The following DNAH14 variants were observed in gnomAD, a reference collection of about 807,000 sequenced individuals.
DNAH14 encodes the protein dynein axonemal heavy chain 14.
Under a neutral mutation model 520.9 loss-of-function variants are expected in DNAH14, and 478 were observed. The observed-to-expected ratio is 0.92, with a 90% CI of 0.85 to 0.99. DNAH14 has a LOEUF of 0.99. Among genes scored for constraint, DNAH14 ranks in the 50% least tolerant of loss-of-function variants. The pLI, the probability that DNAH14 is intolerant of heterozygous loss-of-function variation, is 0.00. For missense variants in DNAH14, 4,831 were observed against 5,234.5 expected (o/e 0.92, Z 2.38); for synonymous variants, 1,581 against 1,757.2 (o/e 0.90, Z 2.51).
intron 35 of DNAH14, among the ~76,000 whole-genome samples, chr1:225,161,622 C>T (rs2081529157): frequency 1.3e-5 from 2 of 152,194 alleles, no homozygotes; most frequent in South Asian, 2.1e-4. Context: ...TTTACATTTT[C>T]AACCACAATG....
chr1:224,964,066 G>A (rs549402389), intron 4 of DNAH14, among the ~76,000 whole-genome samples: 1 of 152,102 alleles, frequency 6.6e-6, no homozygotes, highest in Non-Finnish European at 1.5e-5. Flanking sequence ...AAGAGATTAA[G>A]TGAGAGATGT....
chr1:225,296,689 C>T (rs2094016622), intron 55 of DNAH14, among the ~76,000 whole-genome samples: 1 of 152,036 alleles, frequency 6.6e-6, no homozygotes, highest in Non-Finnish European at 1.5e-5. Flanking sequence ...GTGATGAATT[C>T]CCTCAGGTTT....
chr1:225,192,625 T>G (rs2085595873), intron 37 of DNAH14, 71 bp from the exon 38 acceptor site: 2 of 1,108,750 alleles, frequency 1.8e-6, no homozygotes, highest in Admixed American at 2.6e-5. Context: ...CTTTTAATAA[T>G]AAGAATGCAA....
intron 38 of DNAH14, among the ~76,000 whole-genome samples, chr1:225,203,840 A>G (rs1362120484): frequency 6.6e-6 from 1 of 152,150 alleles, no homozygotes; most frequent in Non-Finnish European, 1.5e-5. Flanking sequence ...TCTAGAAAAA[A>G]AAATACACCA....
In DNAH14 at chr1:225,023,600, T is replaced by A. The variant is rs1572535311; in HGVS notation, c.1108-15T>A. The stretch of plus-strand genomic sequence containing the variant: ...AAAATCAATACTTGTTTCTCAATTG[T>A]TTTTTAAATTGTAGGTTGCAGAAAA... On this transcript the variant is annotated splice_polypyrimidine_tract_variant and intron_variant, in intron 10 of 85. Transcript: ENST00000682510. The A allele has an allele frequency of 1.3e-6, 2 of 1,492,058 alleles. No individual in the cohort carries two copies. The highest frequency in any genetic ancestry group is 2.8e-5 in the African/African-American group (2 of 71,174). 92.4% of individuals were successfully genotyped at this position (1,492,058 alleles called of 1,614,324 possible).
chr1:224,975,077 C>G (rs993839944), intron 8 of DNAH14, among the ~76,000 whole-genome samples: 1 of 151,726 alleles, frequency 6.6e-6, no homozygotes, highest in Non-Finnish European at 1.5e-5. Context: ...GGATGAAGCC[C>G]GCTTGATCAT....
intron 17 of DNAH14, among the ~76,000 whole-genome samples, chr1:225,063,734 A>G (rs913453540): frequency 5.3e-5 from 8 of 152,062 alleles, no homozygotes; most frequent in African/African-American, 1.4e-4. Flanking sequence ...TATCTGAAAA[A>G]TGATGAAATA....
intron 54 of DNAH14, among the ~76,000 whole-genome samples, chr1:225,278,392 C>G (rs2149895772): frequency 6.6e-6 from 1 of 152,292 alleles, no homozygotes; most frequent in South Asian, 2.1e-4. Flanking sequence ...AAATGTATTT[C>G]AAACCTGCAT....
At chr1:225,171,530 A>C (rs947321361) in intron 36 of DNAH14, among the ~76,000 whole-genome samples, 7 of 152,128 alleles carry the variant, frequency 4.6e-5, no homozygotes, top group Non-Finnish European at 7.4e-5. Context: ...AAGAAATGGA[A>C]AAATTTCTCG....
intron 54 of DNAH14, among the ~76,000 whole-genome samples, chr1:225,286,602 T>C (rs554678901): frequency 2.2e-4 from 34 of 152,202 alleles, no homozygotes; most frequent in African/African-American, 8.2e-4. Context: ...TACAGAGCAA[T>C]AGGAACTCTC....
intron 16 of DNAH14, among the ~76,000 whole-genome samples, chr1:225,050,826 A>G (rs1386325472): frequency 6.6e-6 from 1 of 152,206 alleles, no homozygotes; most frequent in Non-Finnish European, 1.5e-5. Context: ...GTTTTGTGGA[A>G]TACAGTTTGT....
At chr1:225,061,995 A>G (rs2070195012) in intron 17 of DNAH14, among the ~76,000 whole-genome samples, 2 of 152,172 alleles carry the variant, frequency 1.3e-5, no homozygotes, top group South Asian at 4.1e-4. Flanking sequence ...CAACTAAATA[A>G]AATAAAGGAA....
At chr1:224,961,493 A>C (rs1003315956) in intron 4 of DNAH14, among the ~76,000 whole-genome samples, 2 of 152,160 alleles carry the variant, frequency 1.3e-5, no homozygotes, top group Admixed American at 6.6e-5. Flanking sequence ...GAAAACTTAC[A>C]ATCATGGTGG....
intron 12 of DNAH14, among the ~76,000 whole-genome samples, chr1:225,040,525 G>A (rs1056598680): frequency 1.3e-5 from 2 of 152,098 alleles, no homozygotes; most frequent in African/African-American, 4.8e-5. Flanking sequence ...AAACACTCAT[G>A]TAGGCTTCAC....
intron 55 of DNAH14, among the ~76,000 whole-genome samples, chr1:225,298,000 A>G (rs2094049574): frequency 6.6e-6 from 1 of 151,620 alleles, no homozygotes; most frequent in Non-Finnish European, 1.5e-5. Flanking sequence ...TAAGCACAAT[A>G]TTTCTTGGCC....
At chr1:225,147,380 C>A (rs980966900) in intron 31 of DNAH14, 131 bp downstream of exon 31, 4 of 890,986 alleles carry the variant, frequency 4.5e-6, no homozygotes, top group Admixed American at 7.4e-5. Flanking sequence ...AAAGCACATA[C>A]CAAAAGGAAT....
chr1:225,225,133 A>G (rs971435612), intron 41 of DNAH14, among the ~76,000 whole-genome samples: 3 of 152,196 alleles, frequency 2.0e-5, no homozygotes, highest in African/African-American at 7.2e-5. Flanking sequence ...AACAATTTCA[A>G]CTTACCCAGA....
chr1:225,143,729 AAC>A (rs1553474513), intron 28 of DNAH14, among the ~76,000 whole-genome samples: 1 of 152,208 alleles, frequency 6.6e-6, no homozygotes, highest in Non-Finnish European at 1.5e-5. Flanking sequence ...TTTAAAAAAA[AAC>A]ATAAAATTCT....
In DNAH14 at chr1:224,983,959, C is replaced by T. The variant is rs548842790; in HGVS notation, c.830+9806C>T. 3.9e-5 allele frequency among the ~76,000 whole-genome samples: 6 copies of T among 152,206 alleles called. No individual in the cohort carries two copies. The South Asian group carries it at 1.2e-3, about 32-fold the overall frequency. On this transcript the variant is annotated intron_variant, in intron 8 of 85. Coordinates refer to ENST00000682510, the MANE Select transcript of DNAH14 (RefSeq NM_001367479.1). ...GTAGAATCAATATTGTGAAAATGAC[C>T]ATACTGCCAAAAGCAATCTACAAAT...
Sources: gnomAD v4.1 joint callset for allele counts (sites outside exome capture counted in the v4.1 genomes callset) on GRCh38, gnomAD v4.1.1 for gene constraint, MANE v1.5 for transcripts, NCBI Gene and HGNC (gene_info 2026-07-23, HGNC 2026-07-21) for gene names.